The following SPAG9 variants were observed in gnomAD, a reference collection of about 807,000 sequenced individuals.
The protein encoded by SPAG9 is C-Jun-amino-terminal kinase-interacting protein 4.
SPAG9 carries 35 observed loss-of-function variants against 166.5 expected under a neutral mutation model. That is an observed-to-expected ratio of 0.21 (90% CI 0.16 to 0.28). The LOEUF (loss-of-function observed/expected upper bound fraction) is 0.28, where lower values mean the gene tolerates loss of function less well. Among genes scored for constraint, SPAG9 ranks in the 10% least tolerant of loss-of-function variants. SPAG9 has a pLI of 1.00. For missense variants in SPAG9, 1,235 were observed against 1,603.3 expected, an observed-to-expected ratio of 0.77 and a Z score of 3.92; for synonymous variants, 534 against 565.5, an observed-to-expected ratio of 0.94 and a Z score of 0.79.
chr17:51,082,484 T>C (rs1202459734), intron 1 of SPAG9, among the ~76,000 whole-genome samples: 1 of 151,896 alleles, frequency 6.6e-6, no homozygotes, highest in East Asian at 1.9e-4. Context: ...GCTATTTTAG[T>C]AATTAATGTT....
intron 1 of SPAG9, among the ~76,000 whole-genome samples, chr17:51,102,781 G>A (rs1258577337): frequency 6.6e-6 from 1 of 152,094 alleles, no homozygotes; most frequent in Admixed American, 6.6e-5. Context: ...TGAGATTACA[G>A]GCATGAGCCA....
Position 50,982,685 on chromosome 17 carries a change from T to A in SPAG9, c.3089-13A>T. The A allele has an allele frequency of 1.3e-6, 2 of 1,596,336 alleles. No homozygotes were observed. Among genetic ancestry groups the A allele is most frequent in the Non-Finnish European group, 1.7e-6 (2 of 1,174,006 alleles). ...TCCCACTGCCCATCTTTAAAAAAAA[T>A]AAAAGGTTATAGTAAATACATACCA... is the stretch of plus-strand genomic sequence containing the variant. On this transcript the variant is annotated splice_polypyrimidine_tract_variant and intron_variant, in intron 24 of 29. Transcript: ENST00000262013.
chr17:51,049,182 G>A (rs1449992039), intron 3 of SPAG9, among the ~76,000 whole-genome samples: 2 of 151,800 alleles, frequency 1.3e-5, no homozygotes, highest in East Asian at 3.9e-4. Flanking sequence ...AGATCAGCCT[G>A]GGCAACACAG....
Position 50,996,694 on chromosome 17 carries a change from T to G in SPAG9, c.1839A>C (p.Glu613Asp). 6.2e-7 allele frequency: 1 copy of G among 1,613,610 alleles called. No individual in the cohort carries two copies. The highest frequency in any genetic ancestry group is 8.5e-7 in the Non-Finnish European group (1 of 1,179,804). Reference sequence around the variant, plus strand: ...TGCGTGAGGCTAAACTAGCTTCAGTTCTAAAAGGAAAAAAGATTTTCCTAA... The same window carrying G: ...TGCGTGAGGCTAAACTAGCTTCAGTGCTAAAAGGAAAAAAGATTTTCCTAA... ...KSKAFDFLSE[E>D]TEASLASRRE... The change falls in exon 16 of 30, where the codon GAA becomes GAC. Residue 613 changes from glutamate (E) to aspartate (D), a missense_variant and splice_region_variant. Transcript: ENST00000262013.
chr17:51,096,179 C>G, intron 1 of SPAG9, among the ~76,000 whole-genome samples: 1 of 150,820 alleles, frequency 6.6e-6, no homozygotes, highest in East Asian at 1.9e-4. Context: ...AACCCTGACT[C>G]TACTAAAAAC....
chr17:50,995,117 T>A lies in SPAG9; in HGVS notation c.2166A>T (p.Glu722Asp), dbSNP rs868599646. ...FYKDVAGLDTEGSKQRSASQS... is the reference protein window; with the variant it reads ...FYKDVAGLDTDGSKQRSASQS... The stretch of plus-strand genomic sequence containing the variant: ...GAGAGGCACTTCGCTGTTTACTGCC[T>A]TCTGTATCCAAACCAGCAACATCCT... Residue 722 changes from glutamate (E) to aspartate (D), a missense_variant, in exon 18 of 30, where the codon GAA (glutamate) becomes GAT (aspartate). Coordinates refer to ENST00000262013, the MANE Select transcript of SPAG9 (RefSeq NM_001130528.3). The A allele has an allele frequency of 4.3e-6, 7 of 1,614,000 alleles. No homozygotes were observed. The highest frequency in any genetic ancestry group is 1.6e-4 in the Middle Eastern group (1 of 6,084).
intron 3 of SPAG9, among the ~76,000 whole-genome samples, chr17:51,051,436 G>C (rs1427159889): frequency 6.6e-6 from 1 of 152,096 alleles, no homozygotes; most frequent in Non-Finnish European, 1.5e-5. Flanking sequence ...AAAGTTCAGG[G>C]AGACTGGGTG....
chr17:51,091,542 A>G (rs2048466030), intron 1 of SPAG9, among the ~76,000 whole-genome samples: 1 of 151,186 alleles, frequency 6.6e-6, no homozygotes, highest in South Asian at 2.1e-4. Context: ...TTAGCCCTGG[A>G]AATTCCAGAG....
intron 20 of SPAG9, chr17:50,990,114 A>C (rs1597923651): frequency 5.5e-6 from 3 of 545,482 alleles, no homozygotes; most frequent in Admixed American, 6.3e-5. Flanking sequence ...TGCAAGCTCC[A>C]CCTCCCAGGT....
chr17:51,115,557 G>A (rs578165084), intron 1 of SPAG9, among the ~76,000 whole-genome samples: 7 of 152,064 alleles, frequency 4.6e-5, no homozygotes, highest in South Asian at 4.1e-4. Flanking sequence ...GGAGCCAGGC[G>A]CGGTGGTTCA....
rs1380250459 is a variant in SPAG9, at chr17:51,089,661, TA to T, written c.304-9958del. ...ATATATATATATATATATATATATA[TA>T]TACACATACACACACACACTTTCTT... On this transcript the variant is annotated intron_variant, in intron 1 of 29. Transcript: ENST00000262013. Among the ~76,000 whole-genome samples the T allele has an allele frequency of 3.1e-5, 3 of 97,896 alleles. No homozygotes were observed. In the South Asian group the frequency reaches 9.5e-4, roughly 31 times the overall value. The allele number at this position is 97,896 out of a possible 152,430, so 64.2% of individuals were successfully genotyped here.
chr17:51,074,926 G>GTGGT (rs2047923863), intron 2 of SPAG9, among the ~76,000 whole-genome samples: 1 of 152,108 alleles, frequency 6.6e-6, no homozygotes, highest in South Asian at 2.1e-4. Flanking sequence ...GCCAGGCACA[G>GTGGT]TGGTTCATGC....
chr17:50,990,818 C>T, intron 19 of SPAG9, 150 bp from the exon 20 acceptor site: 1 of 612,400 alleles, frequency 1.6e-6, no homozygotes, highest in Non-Finnish European at 2.9e-6. Context: ...ATAAACAAAT[C>T]TTCACAATAT....
intron 13 of SPAG9, among the ~76,000 whole-genome samples, chr17:51,001,255 G>A (rs1177716354): frequency 6.6e-6 from 1 of 152,178 alleles, no homozygotes; most frequent in Non-Finnish European, 1.5e-5. Context: ...AGCATTGGGT[G>A]AGATTTAAGA....
At chr17:50,970,170 C>T (rs564876370) in intron 29 of SPAG9, among the ~76,000 whole-genome samples, 2 of 152,286 alleles carry the variant, frequency 1.3e-5, no homozygotes, top group South Asian at 2.1e-4. Flanking sequence ...TTCACATTGA[C>T]CACATCCTGC....
rs1299559989 is a variant in SPAG9 at position 51,031,725 on chromosome 17, A to G, written c.742-3T>C. ...TGAGGTTCAGGACTATTGCTGACCT[A>G]GGAAGAGGGAAGATTATAAAAGAGA... On this transcript the variant is annotated splice_polypyrimidine_tract_variant and splice_region_variant and intron_variant, in intron 5 of 29. Coordinates refer to ENST00000262013, the MANE Select transcript of SPAG9 (RefSeq NM_001130528.3). 1.3e-6 allele frequency: 2 copies of G among 1,549,574 alleles called. No individual in the cohort carries two copies. The highest frequency in any genetic ancestry group is 3.9e-5 in the Admixed American group (2 of 50,984).
intron 19 of SPAG9, among the ~76,000 whole-genome samples, chr17:50,991,567 T>C (rs148340652): frequency 1.2e-3 from 175 of 152,116 alleles, no homozygotes; most frequent in African/African-American, 4.1e-3. Flanking sequence ...TACAATTCAG[T>C]GGCACTAATA....
chr17:51,099,364 C>T (rs1171664050), intron 1 of SPAG9, among the ~76,000 whole-genome samples: 2 of 139,000 alleles, frequency 1.4e-5, no homozygotes, highest in African/African-American at 2.7e-5. Context: ...ACCCAGGAGG[C>T]GGAGGTTGCA....
chr17:51,088,793 G>A (rs1329219718), intron 1 of SPAG9, among the ~76,000 whole-genome samples: 2 of 150,678 alleles, frequency 1.3e-5, no homozygotes, highest in African/African-American at 2.4e-5. Context: ...GTGAGACTCC[G>A]TCTCAAAAAA....
Sources: allele counts gnomAD v4.1 joint callset (sites outside exome capture counted in the v4.1 genomes callset), GRCh38; gene constraint gnomAD v4.1.1; transcripts MANE v1.5; gene names NCBI Gene and HGNC (gene_info 2026-07-23, HGNC 2026-07-21).